ATXN1: variants seen among roughly 807,000 people sequenced by gnomAD.
ATXN1 encodes ataxin-1.
ATXN1 carries 8 observed loss-of-function variants against 56.4 expected under a neutral mutation model. The ratio of observed to expected loss-of-function variants is 0.14; its 90% CI spans 0.08 to 0.26. The LOEUF (loss-of-function observed/expected upper bound fraction) is 0.26. ATXN1 is among the 10% of genes least tolerant of loss of function. The probability of loss-of-function intolerance (pLI) is 1.00; values close to 1 mark genes in which losing one functional copy is unlikely to be tolerated. For synonymous variants in ATXN1, 514 were observed against 494.6 expected (o/e 1.04, Z -0.52); for missense variants, 987 against 1,106.5 (o/e 0.89, Z 1.53).
chr6:16,428,952 GA>G (rs991577405), intron 6 of ATXN1, among the ~76,000 whole-genome samples: 6 of 151,882 alleles, frequency 4.0e-5, no homozygotes, highest in Non-Finnish European at 5.9e-5. Context: ...CAGATGGAGG[GA>G]AATATGGCGA....
intron 2 of ATXN1, chr6:16,667,673 T>C (rs1430312843): frequency 6.6e-6 from 1 of 152,228 alleles, no homozygotes; most frequent in Non-Finnish European, 1.5e-5. Context: ...GCCAGTCATC[T>C]CTAAGGCACC....
chr6:16,676,927 T>C (rs1758674110), intron 2 of ATXN1, among the ~76,000 whole-genome samples: 2 of 152,196 alleles, frequency 1.3e-5, no homozygotes, highest in Admixed American at 6.5e-5. Context: ...TTTCCTCTTA[T>C]GTCCACTGAA....
chr6:16,304,344 G>T lies in ATXN1; in HGVS notation c.*1985C>A, dbSNP rs1409113111. ...AAAGATGCATTCAAAACCCACAAAT[G>T]ATATTTCGGATCTCTGGGAATGAAA... On this transcript the variant is annotated 3_prime_UTR_variant, in exon 8 of 8. Transcript: ENST00000436367. 2 of 151,946 alleles carry T rather than the reference G, an allele frequency of 1.3e-5. No individual in the cohort carries two copies. The highest frequency in any genetic ancestry group is 3.9e-4 in the East Asian group (2 of 5,142). The allele number at this position is 151,946 out of a possible 1,614,324, so 9.4% of individuals were successfully genotyped here. A position where few individuals can be genotyped will look rare whatever the true frequency, so the allele number is the denominator to read the frequency against.
At chr6:16,656,102 AC>A (rs1421226009) in intron 3 of ATXN1, among the ~76,000 whole-genome samples, 3,434 of 144,582 alleles carry the variant, frequency 0.024, 50 homozygotes, top group South Asian at 0.066. Flanking sequence ...AAAAAAAAAA[AC>A]AAAAAAATTA....
At chr6:16,591,285 T>G (rs1216965186) in intron 3 of ATXN1, among the ~76,000 whole-genome samples, 1 of 152,148 alleles carries the variant, frequency 6.6e-6, no homozygotes, top group East Asian at 1.9e-4. Flanking sequence ...ATGAGACTAT[T>G]AAACTCCTTT....
intron 2 of ATXN1, among the ~76,000 whole-genome samples, chr6:16,680,805 C>T (rs3793101): frequency 0.32 from 49,176 of 152,066 alleles, 8,065 homozygotes; most frequent in Non-Finnish European, 0.35. Flanking sequence ...TTCTTTCTTC[C>T]CCCTCTTTAG....
At position 16,483,722 on chromosome 6, in the gene ATXN1, A is replaced by G. The variant is rs77002402; in HGVS notation, c.-161+2250T>C. On this transcript the variant is annotated intron_variant, in intron 6 of 7. Coordinates refer to ENST00000436367, the MANE Select transcript of ATXN1 (RefSeq NM_001128164.2). Reference sequence around the variant, plus strand: ...AGAAGTCCTTTGAAAACCTCACTCAATCTTTGAGGTCTGACAGGGTGTCAC... The same window carrying G: ...AGAAGTCCTTTGAAAACCTCACTCAGTCTTTGAGGTCTGACAGGGTGTCAC... Among the ~76,000 whole-genome samples, 88 of 152,338 alleles carry G rather than the reference A, an allele frequency of 5.8e-4. No homozygotes were observed. The East Asian group carries it at 0.015, about 27-fold the overall frequency.
At chr6:16,559,599 C>G (rs1030503353) in intron 4 of ATXN1, among the ~76,000 whole-genome samples, 1 of 152,050 alleles carries the variant, frequency 6.6e-6, no homozygotes, top group African/African-American at 2.4e-5. Context: ...CATAAAATAT[C>G]CTTAAAAGGA....
chr6:16,680,973 A>G (rs922572240), intron 2 of ATXN1, among the ~76,000 whole-genome samples: 7 of 152,218 alleles, frequency 4.6e-5, no homozygotes, highest in Admixed American at 6.5e-5. Flanking sequence ...AAATTAAACC[A>G]GTGATTGAGC....
chr6:16,698,727 G>A (rs546185936), intron 2 of ATXN1, among the ~76,000 whole-genome samples: 1 of 151,392 alleles, frequency 6.6e-6, no homozygotes, highest in African/African-American at 2.4e-5. Flanking sequence ...TAAATTAGGA[G>A]TCTGGAGTCT....
At chr6:16,688,795 T>G (rs529843476) in intron 2 of ATXN1, among the ~76,000 whole-genome samples, 2 of 152,324 alleles carry the variant, frequency 1.3e-5, no homozygotes, top group Admixed American at 1.3e-4. Context: ...ATAAACTATT[T>G]TGTGAAATCA....
chr6:16,457,494 C>T (rs114854973), intron 6 of ATXN1, among the ~76,000 whole-genome samples: 2,082 of 152,080 alleles, frequency 0.014, 22 homozygotes, highest in Non-Finnish European at 0.024. Context: ...CAATTTGTCC[C>T]GCAAACCCTG....
At chr6:16,380,933 G>A (rs1324591131) in intron 6 of ATXN1, among the ~76,000 whole-genome samples, 2 of 152,196 alleles carry the variant, frequency 1.3e-5, no homozygotes, top group East Asian at 1.9e-4. Context: ...GATATAATTA[G>A]TTAAGATGAG....
At chr6:16,664,709 C>T (rs1758390678) in intron 2 of ATXN1, among the ~76,000 whole-genome samples, 1 of 151,302 alleles carries the variant, frequency 6.6e-6, no homozygotes, top group Non-Finnish European at 1.5e-5. Context: ...CAGTGGTCCT[C>T]ACACTTTTGG....
intron 5 of ATXN1, among the ~76,000 whole-genome samples, chr6:16,512,482 G>T (rs1163514255): frequency 6.6e-6 from 1 of 152,196 alleles, no homozygotes; most frequent in Admixed American, 6.5e-5. Flanking sequence ...GACAGTGTCA[G>T]CATACTTAGC....
intron 6 of ATXN1, among the ~76,000 whole-genome samples, chr6:16,349,741 A>AT (rs112246571): frequency 0.029 from 4,422 of 151,748 alleles, 203 homozygotes; most frequent in African/African-American, 0.098. Context: ...TAGTGCACTG[A>AT]TTTTTTTTTC....
At chr6:16,446,403 T>C (rs1561899211) in intron 6 of ATXN1, among the ~76,000 whole-genome samples, 1 of 152,218 alleles carries the variant, frequency 6.6e-6, no homozygotes, top group Non-Finnish European at 1.5e-5. Flanking sequence ...GCAGTGTTTC[T>C]CAAATGTGGT....
intron 6 of ATXN1, among the ~76,000 whole-genome samples, chr6:16,339,658 G>T (rs1350959357): frequency 6.6e-6 from 1 of 152,228 alleles, no homozygotes; most frequent in Non-Finnish European, 1.5e-5. Context: ...TTGAAGCTCA[G>T]AGTGTAAGTC....
At chr6:16,653,437 G>A (rs1037396963) in intron 3 of ATXN1, among the ~76,000 whole-genome samples, 1 of 152,204 alleles carries the variant, frequency 6.6e-6, no homozygotes, top group Admixed American at 6.5e-5. Flanking sequence ...CTGACAACCT[G>A]CGAGGCCTAA....
Sources: allele counts gnomAD v4.1 joint callset (sites outside exome capture counted in the v4.1 genomes callset), GRCh38; gene constraint gnomAD v4.1.1; transcripts MANE v1.5; gene names NCBI Gene and HGNC (gene_info 2026-07-23, HGNC 2026-07-21).